IMPG1: variants seen among roughly 807,000 people sequenced by gnomAD.
The protein encoded by IMPG1 is interphotoreceptor matrix proteoglycan 1.
A neutral mutation model predicts 92.0 loss-of-function variants in IMPG1; 85 were observed. That is an observed-to-expected ratio of 0.92 (90% CI 0.78 to 1.11). The LOEUF is 1.11. Among genes scored for constraint, IMPG1 ranks in the 50% least tolerant of loss-of-function variants. The pLI is 0.00. For missense variants in IMPG1, 1,022 were observed against 956.0 expected (o/e 1.07, Z -0.91); for synonymous variants, 367 against 334.1 (o/e 1.10, Z -1.08).
At chr6:75,975,632 AC>A (rs2149467583) in intron 12 of IMPG1, among the ~76,000 whole-genome samples, 1 of 152,356 alleles carries the variant, frequency 6.6e-6, no homozygotes, top group East Asian at 1.9e-4. Flanking sequence ...TGTGAAAGAG[AC>A]AATTTCAACA....
intron 14 of IMPG1, among the ~76,000 whole-genome samples, chr6:75,944,577 G>A (rs1247473047): frequency 6.6e-6 from 1 of 152,156 alleles, no homozygotes. Context: ...GTTTTTGGCA[G>A]CCCTCTTGCA....
intron 1 of IMPG1, among the ~76,000 whole-genome samples, chr6:76,047,244 C>G (rs1254859079): frequency 6.6e-6 from 1 of 152,154 alleles, no homozygotes; most frequent in Non-Finnish European, 1.5e-5. Context: ...GTTTGTCTTT[C>G]ATATGGGAGG....
At position 75,999,551 on chromosome 6, in the gene IMPG1, C is replaced by T. The variant is rs118030235; in HGVS notation, c.1291+3367G>A. ...GAAGGCTTGCTCTTGTCCAGAGTGC[C>T]CCTGCACTTTTTTTTTGTTTGTTTG... On this transcript the variant is annotated intron_variant, in intron 12 of 16. Transcript: ENST00000369950. 7.9e-5 allele frequency among the ~76,000 whole-genome samples: 12 copies of T among 152,262 alleles called. No homozygotes were observed. The East Asian group carries it at 2.3e-3, about 29-fold the overall frequency.
intron 8 of IMPG1, 97 bp downstream of exon 8, chr6:76,011,069 G>C: frequency 1.5e-6 from 1 of 658,274 alleles, no homozygotes; most frequent in Non-Finnish European, 2.7e-6. Context: ...TAAACAACTG[G>C]GGAAAAAGGA....
At position 76,056,036 on chromosome 6, in the gene IMPG1, A is replaced by G. The variant is rs143415285; in HGVS notation, c.68-13910T>C. ...AAAACTTGACAAAACGAGTATGAGA[A>G]AAAATTTATGGTCCGAGCTTGCTTA... On this transcript the variant is annotated intron_variant, in intron 1 of 16. Transcript: ENST00000369950. Among the ~76,000 whole-genome samples, 929 of 152,174 alleles carry G rather than the reference A, an allele frequency of 6.1e-3. 3 individuals are homozygous for G. The highest frequency in any genetic ancestry group is 0.014 in the Middle Eastern group (4 of 294).
intron 1 of IMPG1, among the ~76,000 whole-genome samples, chr6:76,058,762 C>T (rs1784159487): frequency 6.6e-6 from 1 of 152,148 alleles, no homozygotes; most frequent in Admixed American, 6.6e-5. Flanking sequence ...CTTGTAGGGC[C>T]TAGCTAACTT....
intron 1 of IMPG1, among the ~76,000 whole-genome samples, chr6:76,067,308 AAAGC>A (rs1366348966): frequency 1.3e-5 from 2 of 152,128 alleles, no homozygotes; most frequent in African/African-American, 4.8e-5. Flanking sequence ...AACCAAGAAA[AAAGC>A]AAGAAAATTC....
intron 12 of IMPG1, among the ~76,000 whole-genome samples, chr6:75,997,691 C>A (rs945142945): frequency 3.3e-5 from 5 of 151,972 alleles, no homozygotes; most frequent in African/African-American, 1.2e-4. Flanking sequence ...ACTGATAGGC[C>A]CAACAAGGTC....
chr6:76,007,722 T>A (rs1582100526), intron 8 of IMPG1, among the ~76,000 whole-genome samples: 1 of 152,226 alleles, frequency 6.6e-6, no homozygotes. Context: ...CATCATTATA[T>A]GTTTCTGATT....
rs1368867230 is a variant in IMPG1, at chr6:76,018,759, A to T, written c.766T>A (p.Ser256Thr). 1 of 1,613,550 alleles carries T rather than the reference A, an allele frequency of 6.2e-7. No homozygotes were observed. Among genetic ancestry groups the T allele is most frequent in the East Asian group, 2.2e-5 (1 of 44,846 alleles). The change falls in exon 7 of 17, where the codon TCC (serine) becomes ACC (threonine). Residue 256 changes from serine to threonine, a missense_variant. Around this residue, in one of 3 missense-constraint regions of IMPG1, gnomAD observed 681 missense variants for 583.6 expected, o/e 1.17. Transcript: ENST00000369950. ...KFKAELADSQ[S>T]PYYQELAGKS... The stretch of plus-strand genomic sequence containing the variant: ...CCTGCTAGCTCCTGGTAATATGGGG[A>T]CTGGGAGTCAGCGAGCTCTGCCTTG...
At chr6:76,035,499 CAAAAAA>C (rs34929063) in intron 2 of IMPG1, among the ~76,000 whole-genome samples, 2 of 62,170 alleles carry the variant, frequency 3.2e-5, no homozygotes, top group Non-Finnish European at 6.0e-5. Flanking sequence ...AACTCCGTCT[CAAAAAA>C]AAAAAAAAAA....
intron 1 of IMPG1, among the ~76,000 whole-genome samples, chr6:76,052,394 G>T (rs1001042359): frequency 2.0e-5 from 3 of 152,200 alleles, no homozygotes; most frequent in African/African-American, 7.2e-5. Context: ...TGCAAGAAAA[G>T]ATAGTACACA....
At chr6:75,990,208 AT>A (rs1269673624) in intron 12 of IMPG1, among the ~76,000 whole-genome samples, 3 of 152,298 alleles carry the variant, frequency 2.0e-5, no homozygotes, top group Middle Eastern at 6.8e-3. Context: ...AATTCTGTGG[AT>A]TAGCACTTGT....
intron 12 of IMPG1, among the ~76,000 whole-genome samples, chr6:75,987,779 G>A (rs528855752): frequency 6.6e-6 from 1 of 151,826 alleles, no homozygotes; most frequent in South Asian, 2.1e-4. Context: ...CGAGTAGCCG[G>A]GACTGCAGGC....
chr6:76,072,301 T>C, intron 1 of IMPG1, 121 bp downstream of exon 1: 1 of 532,422 alleles, frequency 1.9e-6, no homozygotes, highest in East Asian at 3.2e-5. Context: ...CAATATTTAT[T>C]CAAGGCCTAC....
At chr6:76,054,882 G>A (rs1259799428) in intron 1 of IMPG1, among the ~76,000 whole-genome samples, 4 of 152,024 alleles carry the variant, frequency 2.6e-5, no homozygotes, top group African/African-American at 4.8e-5. Context: ...CAGTTTAAAA[G>A]TCATAGAAAG....
At chr6:76,020,359 C>T (rs565531981) in intron 6 of IMPG1, among the ~76,000 whole-genome samples, 16 of 152,246 alleles carry the variant, frequency 1.1e-4, no homozygotes, top group African/African-American at 3.9e-4. Context: ...GGCCGAAATA[C>T]AATATTTTCA....
At chr6:75,924,737 TA>T (rs1227663649) in intron 15 of IMPG1, among the ~76,000 whole-genome samples, 3 of 64,926 alleles carry the variant, frequency 4.6e-5, no homozygotes, top group Non-Finnish European at 8.0e-5. Context: ...TTATATATAA[TA>T]TATAATATAT....
chr6:75,988,775 A>C (rs2149472397), intron 12 of IMPG1, among the ~76,000 whole-genome samples: 1 of 152,266 alleles, frequency 6.6e-6, no homozygotes, highest in South Asian at 2.1e-4. Flanking sequence ...TACTCTTTTA[A>C]ATCGCTTCTC....
Sources: gnomAD v4.1 joint callset for allele counts (sites outside exome capture counted in the v4.1 genomes callset) on GRCh38, gnomAD v4.1.1 for gene constraint, gnomAD v4.1.1 regional missense constraint, MANE v1.5 for transcripts, NCBI Gene and HGNC (gene_info 2026-07-23, HGNC 2026-07-21) for gene names.